ARAP2: variants seen among roughly 807,000 people sequenced by gnomAD.
ARAP2 encodes the protein arf-GAP with Rho-GAP domain, ANK repeat and PH domain-containing protein 2.
Under a neutral mutation model 194.5 loss-of-function variants are expected in ARAP2, and 148 were observed. That is an observed-to-expected ratio of 0.76 (90% CI 0.67 to 0.87). ARAP2 has a LOEUF of 0.87. Among genes scored for constraint, ARAP2 ranks in the 40% least tolerant of loss-of-function variants. The probability of loss-of-function intolerance (pLI) is 0.00; values close to 1 mark genes in which losing one functional copy is unlikely to be tolerated. For synonymous variants in ARAP2, 695 were observed against 683.5 expected (o/e 1.02, Z -0.26); for missense variants, 2,128 against 1,989.7 (o/e 1.07, Z -1.32).
In ARAP2 at chr4:36,077,460, C is replaced by T. The variant is rs575985597; in HGVS notation, c.4608+2756G>A. 4.6e-5 allele frequency among the ~76,000 whole-genome samples: 7 copies of T among 152,150 alleles called. No homozygotes were observed. The South Asian group carries it at 1.0e-3, about 23-fold the overall frequency. On this transcript the variant is annotated intron_variant, in intron 31 of 32. Transcript: ENST00000303965. ...TTAAACCTCCTGCTCCTAAACTTCT[C>T]GTGTGTGTCTGTGTCCTAAATTTTC...
Position 36,145,551 on chromosome 4 carries a change from C to A in ARAP2, c.3263+1745G>T, listed in dbSNP as rs555840554. On this transcript the variant is annotated intron_variant, in intron 19 of 32. Transcript: ENST00000303965. ...AAGTGGGGACCAAAGGGGGCAAGGG[C>A]TGAAAAACTACCTATTGGGTGCTAC... Among the ~76,000 whole-genome samples the A allele has an allele frequency of 6.6e-5, 10 of 151,936 alleles. No individual in the cohort carries two copies. The South Asian group carries it at 2.1e-3, about 32-fold the overall frequency.
intron 6 of ARAP2, among the ~76,000 whole-genome samples, chr4:36,195,436 T>G (rs183711611): frequency 6.6e-6 from 1 of 152,192 alleles, no homozygotes; most frequent in Admixed American, 6.5e-5. Context: ...ATTAGTCACT[T>G]TTTGCTCATT....
intron 6 of ARAP2, among the ~76,000 whole-genome samples, chr4:36,017,564 T>TAAAAAAAAAAAAAAAAAAAAAAA (rs71199694): frequency 9.4e-5 from 4 of 42,572 alleles, no homozygotes; most frequent in African/African-American, 3.5e-4. Context: ...AAGAAAGTGG[T>TAAAAAAAAAAAAAAAAAAAAAAA]AAAAAAAAAA....
At chr4:36,149,758 TAATC>T (rs1730506825) in intron 16 of ARAP2, among the ~76,000 whole-genome samples, 1 of 152,142 alleles carries the variant, frequency 6.6e-6, no homozygotes, top group Non-Finnish European at 1.5e-5. Context: ...AGTCAATTAA[TAATC>T]AGTTTTGTTC....
chr4:36,075,825 T>C (rs1728127235), intron 31 of ARAP2, among the ~76,000 whole-genome samples: 1 of 152,160 alleles, frequency 6.6e-6, no homozygotes, highest in South Asian at 2.1e-4. Flanking sequence ...AAAAACAAAT[T>C]ACTCTGTACA....
At chr4:36,226,644 T>C (rs991832929) in intron 2 of ARAP2, among the ~76,000 whole-genome samples, 1 of 152,230 alleles carries the variant, frequency 6.6e-6, no homozygotes, top group Non-Finnish European at 1.5e-5. Flanking sequence ...ATAAAACTCA[T>C]ATTACTTGTA....
chr4:36,073,609 T>C, intron 32 of ARAP2, 80 bp downstream of exon 32: 10 of 1,475,224 alleles, frequency 6.8e-6, no homozygotes, highest in Non-Finnish European at 9.2e-6. Context: ...GCCAATGAAG[T>C]AATTAATGAC....
chr4:36,149,818 C>G (rs767784888), intron 16 of ARAP2, among the ~76,000 whole-genome samples: 9 of 152,082 alleles, frequency 5.9e-5, no homozygotes, highest in Non-Finnish European at 8.8e-5. Flanking sequence ...GTCATCTCAA[C>G]TAGTCATCAT....
At chr4:36,192,957 C>T (rs529140555) in intron 7 of ARAP2, among the ~76,000 whole-genome samples, 8 of 152,070 alleles carry the variant, frequency 5.3e-5, no homozygotes, top group Non-Finnish European at 1.0e-4. Context: ...GATCCTGCCA[C>T]TATACTCCAG....
At chr4:36,125,613 G>A (rs1428057918) in intron 21 of ARAP2, among the ~76,000 whole-genome samples, 1 of 151,940 alleles carries the variant, frequency 6.6e-6, no homozygotes, top group Non-Finnish European at 1.5e-5. Context: ...GTCATGAACA[G>A]AAATTTGTTG....
chr4:36,024,662 AT>A (rs945416544), intron 5 of ARAP2, among the ~76,000 whole-genome samples: 3 of 152,154 alleles, frequency 2.0e-5, no homozygotes, highest in African/African-American at 7.2e-5. Context: ...AAAGTAAAAT[AT>A]TTTTTAAAAG....
intron 19 of ARAP2, among the ~76,000 whole-genome samples, chr4:36,144,791 C>T (rs928715678): frequency 6.6e-6 from 1 of 151,682 alleles, no homozygotes; most frequent in Non-Finnish European, 1.5e-5. Context: ...TGCACAGATC[C>T]CTTTATACAC....
chr4:36,023,338 A>C (rs1717338917), intron 5 of ARAP2, among the ~76,000 whole-genome samples: 1 of 152,186 alleles, frequency 6.6e-6, no homozygotes. Context: ...GTAACAATGT[A>C]TAACAATGAG....
At chr4:36,223,224 G>A (rs1479282090) in intron 2 of ARAP2, among the ~76,000 whole-genome samples, 1 of 152,034 alleles carries the variant, frequency 6.6e-6, no homozygotes, top group African/African-American at 2.4e-5. Flanking sequence ...TAAAACTTAT[G>A]TTCAAATGGA....
chr4:36,053,198 G>A (rs1577670998), intron 2 of ARAP2, among the ~76,000 whole-genome samples: 1 of 151,942 alleles, frequency 6.6e-6, no homozygotes, highest in East Asian at 1.9e-4. Context: ...GTAGAGAGTG[G>A]TTTTACCATC....
chr4:36,210,466 A>T lies in ARAP2; in HGVS notation c.1411T>A (p.Ser471Thr), dbSNP rs1445445365. ...GCTCCATAAAAGCAGGCATAGGGAGATATTGCCTGTGAAGAAACGGCTGAT... is the reference window on the plus strand; with the variant it reads ...GCTCCATAAAAGCAGGCATAGGGAGTTATTGCCTGTGAAGAAACGGCTGAT... ...DSSAVSSQAISPYACFYGASA... is the reference protein window; with the variant it reads ...DSSAVSSQAITPYACFYGASA... The change falls in exon 6 of 33, where the codon TCT becomes ACT. Residue 471 changes from serine (S) to threonine (T), a missense_variant. Coordinates refer to ENST00000303965, the MANE Select transcript of ARAP2 (RefSeq NM_015230.4). 1 of 1,613,888 alleles carries T rather than the reference A, an allele frequency of 6.2e-7. No individual in the cohort carries two copies. The highest frequency in any genetic ancestry group is 8.5e-7 in the Non-Finnish European group (1 of 1,179,866).
At chr4:36,022,203 G>T (rs1451335791) in intron 5 of ARAP2, among the ~76,000 whole-genome samples, 1 of 152,168 alleles carries the variant, frequency 6.6e-6, no homozygotes, top group Non-Finnish European at 1.5e-5. Flanking sequence ...GATTAGGAAG[G>T]AGACTAAACT....
At position 36,124,873 on chromosome 4, in the gene ARAP2, T is replaced by G; in HGVS notation, c.3735A>C (p.Glu1245Asp). Residue 1245 changes from glutamate (E) to aspartate (D), a missense_variant, in exon 22 of 33, where the codon GAA becomes GAC. By Grantham distance (45) the Glu-to-Asp change is conservative (BLOSUM62 2). Coordinates refer to ENST00000303965, the MANE Select transcript of ARAP2 (RefSeq NM_015230.4). ...ATTCATCTACCCACCTATACAGGTG[T>G]TCAATGATAGCTGCTAGTGTTGCTC... ...VNRATLAAII[E>D]HLYRVQKCSE... 1 of 1,606,476 alleles carries G rather than the reference T, an allele frequency of 6.2e-7. No homozygotes were observed. Among genetic ancestry groups the G allele is most frequent in the Non-Finnish European group, 8.5e-7 (1 of 1,174,572 alleles).
At chr4:36,216,951 G>T (rs73128500) in intron 2 of ARAP2, among the ~76,000 whole-genome samples, 1 of 152,080 alleles carries the variant, frequency 6.6e-6, no homozygotes, top group Admixed American at 6.5e-5. Context: ...TAGGTTACAT[G>T]GTATAGCCAT....
Sources: gnomAD v4.1 joint callset for allele counts (sites outside exome capture counted in the v4.1 genomes callset) on GRCh38, gnomAD v4.1.1 for gene constraint, MANE v1.5 for transcripts, NCBI Gene and HGNC (gene_info 2026-07-23, HGNC 2026-07-21) for gene names.